Variants in WNT3 observed in about 807,000 individuals in gnomAD.
WNT3 encodes Wnt family member 3, also known as proto-oncogene Wnt-3.
Under a neutral mutation model 34.2 loss-of-function variants are expected in WNT3, and 7 were observed. The ratio of observed to expected loss-of-function variants is 0.20; its 90% CI spans 0.12 to 0.38. The LOEUF is 0.38. WNT3 is among the 10% of genes least tolerant of loss of function. WNT3 has a pLI of 1.00. For synonymous variants in WNT3, 212 were observed against 211.5 expected (o/e 1.00, Z -0.02); for missense variants, 267 against 499.8 (o/e 0.53, Z 4.44).
Position 46,806,981 on chromosome 17 carries a change from A to G in WNT3, c.80+11537T>C, listed in dbSNP as rs575469068. On this transcript the variant is annotated intron_variant, in intron 1 of 4. Transcript: ENST00000225512. ...GGTGGCAATAGCACCGTCGGCTTCC[A>G]AGGCAAGGGAGGGTGGGAGGAACCA... Among the ~76,000 whole-genome samples, 35 of 152,306 alleles carry G rather than the reference A, an allele frequency of 2.3e-4. 1 individual carries two copies. The highest frequency in any genetic ancestry group is 6.8e-3 in the Middle Eastern group (2 of 294).
Position 46,803,224 on chromosome 17 carries a change from T to C in WNT3, c.80+15294A>G, listed in dbSNP as rs142127665. The stretch of plus-strand genomic sequence containing the variant: ...AGGAAAGACAGTTTACGTCTTTTCC[T>C]GTACTTTCATTAAAAAGTTAATCAC... On this transcript the variant is annotated intron_variant, in intron 1 of 4. Transcript: ENST00000225512. Among the ~76,000 whole-genome samples the C allele has an allele frequency of 2.2e-4, 33 of 152,352 alleles. No individual in the cohort carries two copies. The East Asian group carries it at 6.4e-3, about 29-fold the overall frequency.
rs375525232 is a variant in WNT3 at position 46,783,025 on chromosome 17, A to C, written c.81-9116T>G. ...GGGTGCCTTTCATCAAAGAAGTGGG[A>C]CATGTCTCTGGGCCTTGCCATTAGG... On this transcript the variant is annotated intron_variant, in intron 1 of 4. Coordinates refer to ENST00000225512, the MANE Select transcript of WNT3 (RefSeq NM_030753.5). Among the ~76,000 whole-genome samples the C allele has an allele frequency of 2.6e-5, 4 of 152,054 alleles. No homozygotes were observed. The East Asian group carries it at 5.8e-4, about 22-fold the overall frequency.
At chr17:46,773,408 G>A (rs2059390111) in intron 2 of WNT3, among the ~76,000 whole-genome samples, 1 of 152,048 alleles carries the variant, frequency 6.6e-6, no homozygotes, top group Admixed American at 6.6e-5. Context: ...AGCCTGAGGC[G>A]CCCACTGTGC....
chr17:46,780,156 G>T (rs1328250033), intron 1 of WNT3, among the ~76,000 whole-genome samples: 1 of 152,194 alleles, frequency 6.6e-6, no homozygotes, highest in Admixed American at 6.5e-5. Flanking sequence ...ACACCTAAAG[G>T]CACCCTGTAC....
intron 1 of WNT3, among the ~76,000 whole-genome samples, chr17:46,811,835 T>C (rs1023382859): frequency 1.3e-5 from 2 of 152,122 alleles, no homozygotes; most frequent in African/African-American, 4.8e-5. Flanking sequence ...TGCGCACCTG[T>C]AATCCCAGCT....
At chr17:46,786,195 A>T (rs894857348) in intron 1 of WNT3, among the ~76,000 whole-genome samples, 2 of 151,718 alleles carry the variant, frequency 1.3e-5, no homozygotes, top group Admixed American at 6.6e-5. Context: ...GGACCTGGGG[A>T]GGAGGAAAGA....
In WNT3 at chr17:46,768,530, G is replaced by T; in HGVS notation, c.858C>A (p.Pro286=). ...YYENSPNFCE[P]NPETGSFGTR... ...TGCCAAAGGAACCCGTCTCTGGGTTGGGCTCACAAAAGTTGGGGGAGTTCT... is the reference window on the plus strand; with the variant it reads ...TGCCAAAGGAACCCGTCTCTGGGTTTGGCTCACAAAAGTTGGGGGAGTTCT... Residue 286 remains proline, a synonymous_variant, in exon 4 of 5, where the codon CCC becomes CCA. Transcript: ENST00000225512. The surrounding 1 kb of genome is among the most constrained non-coding windows in gnomAD (Gnocchi z 5.0). The T allele has an allele frequency of 6.2e-7, 1 of 1,614,182 alleles. No homozygotes were observed. The highest frequency in any genetic ancestry group is 8.5e-7 in the Non-Finnish European group (1 of 1,180,028).
At chr17:46,771,294 G>C (rs371490326) in intron 2 of WNT3, among the ~76,000 whole-genome samples, 1 of 152,110 alleles carries the variant, frequency 6.6e-6, no homozygotes, top group Non-Finnish European at 1.5e-5. Flanking sequence ...GTCCAGTTGT[G>C]CTCCCGGCCT....
intron 1 of WNT3, among the ~76,000 whole-genome samples, chr17:46,806,181 T>TTTTTTTC (rs1280380875): frequency 2.7e-5 from 4 of 150,624 alleles, no homozygotes; most frequent in African/African-American, 4.9e-5. Flanking sequence ...CTCGGTTTTC[T>TTTTTTTC]TTTTTTCTTT....
At chr17:46,803,523 T>C (rs1030347577) in intron 1 of WNT3, among the ~76,000 whole-genome samples, 1 of 152,128 alleles carries the variant, frequency 6.6e-6, no homozygotes, top group African/African-American at 2.4e-5. Context: ...TGCAAGACTA[T>C]GTCTCAAGAA....
chr17:46,811,044 A>G (rs1351776555), intron 1 of WNT3, among the ~76,000 whole-genome samples: 1 of 152,090 alleles, frequency 6.6e-6, no homozygotes, highest in East Asian at 1.9e-4. Context: ...GGCCCGCCTC[A>G]GGGGGAACCA....
At chr17:46,774,742 G>C (rs932136734) in intron 1 of WNT3, among the ~76,000 whole-genome samples, 3 of 152,208 alleles carry the variant, frequency 2.0e-5, no homozygotes, top group African/African-American at 7.2e-5. Flanking sequence ...TGACCTTATG[G>C]GGGTGGGGCA....
In WNT3 at chr17:46,818,583, C is replaced by T. The variant is rs1364010811; in HGVS notation, c.15G>A (p.Leu5=). The change falls in exon 1 of 5, where the codon CTG becomes CTA. Residue 5 remains leucine, a synonymous_variant. Coordinates refer to ENST00000225512, the MANE Select transcript of WNT3 (RefSeq NM_030753.5). ...GCAGGAGGCCGAGGAGCAGCCCGAGCAGGTGGGGCTCCATTAGAAGAGGCG... is the reference window on the plus strand; with the variant it reads ...GCAGGAGGCCGAGGAGCAGCCCGAGTAGGTGGGGCTCCATTAGAAGAGGCG... The part of the protein sequence containing the change: MEPH[L]LGLLLGLLLG... The T allele has an allele frequency of 1.5e-5, 24 of 1,602,948 alleles. No homozygotes were observed. The highest frequency in any genetic ancestry group is 1.9e-5 in the Non-Finnish European group (22 of 1,175,436).
chr17:46,769,964 G>C lies in WNT3; in HGVS notation c.407C>G (p.Ser136Cys), dbSNP rs2059349008. The C allele has an allele frequency of 6.2e-7, 1 of 1,612,700 alleles. No homozygotes were observed. The highest frequency in any genetic ancestry group is 8.5e-7 in the Non-Finnish European group (1 of 1,179,650). ...AVTRSCAEGT[S>C]TICGCDSHHK... ...ATGCGAGTCACAGCCGCAAATGGTG[G>C]AGGTGCCCTCGGCGCAGGAGCGGGT... The change falls in exon 3 of 5, where the codon TCC (serine) becomes TGC (cysteine). Residue 136 changes from serine to cysteine, a missense_variant. Coordinates refer to ENST00000225512, the MANE Select transcript of WNT3 (RefSeq NM_030753.5).
At chr17:46,785,777 G>A (rs1255321167) in intron 1 of WNT3, among the ~76,000 whole-genome samples, 1 of 152,174 alleles carries the variant, frequency 6.6e-6, no homozygotes, top group Non-Finnish European at 1.5e-5. Flanking sequence ...TCAGTCAGAG[G>A]GAAGAGGCTG....
chr17:46,773,482 C>G (rs1274165522), intron 2 of WNT3, among the ~76,000 whole-genome samples, 186 bp downstream of exon 2: 1 of 152,096 alleles, frequency 6.6e-6, no homozygotes, highest in Admixed American at 6.5e-5. Flanking sequence ...GATCCTGGAG[C>G]ATCTCAAGGC....
intron 1 of WNT3, among the ~76,000 whole-genome samples, chr17:46,779,053 TCACACACACACACACACACA>T (rs56965619): frequency 7.9e-5 from 8 of 100,668 alleles, no homozygotes; most frequent in African/African-American, 2.7e-4. Context: ...CCCTACCCCA[TCACACACACACACACACACA>T]CACACACACA....
chr17:46,769,710 G>A, intron 3 of WNT3, 73 bp downstream of exon 3: 2 of 1,583,536 alleles, frequency 1.3e-6, no homozygotes, highest in South Asian at 2.2e-5. Context: ...GGGTGAGGTG[G>A]GGGCCAGGGC....
chr17:46,773,867 C>T lies in WNT3; in HGVS notation c.123G>A (p.Gln41=), dbSNP rs1360420786. The T allele has an allele frequency of 1.2e-6, 2 of 1,612,784 alleles. No individual in the cohort carries two copies. The highest frequency in any genetic ancestry group is 2.2e-5 in the South Asian group (2 of 91,042). The change falls in exon 2 of 5, where the codon CAG becomes CAA. Residue 41 remains glutamine (Q), a synonymous_variant. Coordinates refer to ENST00000225512, the MANE Select transcript of WNT3 (RefSeq NM_030753.5). The part of the protein sequence containing the change: ...LGQQYTSLGS[Q]PLLCGSIPGL... ...CTGGGATGGAGCCGCAGAGCAGGGG[C>T]TGTGAGCCCAGAGATGTGTACTGCT...
Sources: gnomAD v4.1 joint callset for allele counts (sites outside exome capture counted in the v4.1 genomes callset) on GRCh38, gnomAD v4.1.1 for gene constraint, Gnocchi (gnomAD v3.1) non-coding constraint, MANE v1.5 for transcripts, NCBI Gene and HGNC (gene_info 2026-07-23, HGNC 2026-07-21) for gene names.